CACNA1D: variants seen among roughly 807,000 people sequenced by gnomAD.
CACNA1D encodes voltage-dependent L-type calcium channel subunit alpha-1D.
A neutral mutation model predicts 257.1 loss-of-function variants in CACNA1D; 55 were observed. That is an observed-to-expected ratio of 0.21 (90% CI 0.17 to 0.27). The LOEUF is 0.27. Ranked by LOEUF, CACNA1D falls within the 10% of genes least tolerant of loss-of-function variation. The pLI is 1.00. For synonymous variants in CACNA1D, 980 were observed against 1,014.9 expected, an observed-to-expected ratio of 0.97 and a Z score of 0.65; for missense variants, 1,876 against 2,784.0, an observed-to-expected ratio of 0.67 and a Z score of 7.34.
intron 3 of CACNA1D, among the ~76,000 whole-genome samples, chr3:53,620,281 G>T (rs1000290852): frequency 6.6e-6 from 1 of 151,984 alleles, no homozygotes; most frequent in Non-Finnish European, 1.5e-5. Context: ...CCCAGTTCTC[G>T]TCCATCTCTC....
At chr3:53,766,845 C>G (rs2095335091) in intron 30 of CACNA1D, among the ~76,000 whole-genome samples, 1 of 152,190 alleles carries the variant, frequency 6.6e-6, no homozygotes, top group Non-Finnish European at 1.5e-5. Flanking sequence ...TGGAATTCCG[C>G]TTATTGAAAA....
chr3:53,565,298 A>C (rs1309682558), intron 3 of CACNA1D, among the ~76,000 whole-genome samples: 1 of 152,142 alleles, frequency 6.6e-6, no homozygotes, highest in African/African-American at 2.4e-5. Context: ...CTACTCTTTA[A>C]AAGCAAGATT....
At chr3:53,761,325 C>A (rs2095300484) in intron 29 of CACNA1D, among the ~76,000 whole-genome samples, 1 of 152,194 alleles carries the variant, frequency 6.6e-6, no homozygotes, top group African/African-American at 2.4e-5. Flanking sequence ...GCCTTGACTT[C>A]CCCACACTAA....
intron 3 of CACNA1D, among the ~76,000 whole-genome samples, chr3:53,539,591 T>G (rs1470746332): frequency 6.6e-6 from 1 of 152,238 alleles, no homozygotes; most frequent in Non-Finnish European, 1.5e-5. Flanking sequence ...TGTATCTGTC[T>G]CTGGTTGCAC....
At position 53,501,696 on chromosome 3, in the gene CACNA1D, T is replaced by C. The variant is rs6805302; in HGVS notation, c.459T>C (p.Asp153=). 82 of 1,592,722 alleles carry C rather than the reference T, an allele frequency of 5.1e-5. No homozygotes were observed. In the African/African-American group the frequency reaches 9.2e-4, roughly 18 times the overall value. Residue 153 remains aspartate, a synonymous_variant, in exon 3 of 48, where the codon GAT becomes GAC. Coordinates refer to ENST00000350061, the MANE Select transcript of CACNA1D (RefSeq NM_001128840.3). ...TTTACATCCCATTCCCTGAAGATGA[T>C]TCTAATTCAACAAATCATAACTTGG... ...LAIYIPFPED[D]SNSTNHNLEK... is the part of the protein sequence containing the mutation.
At chr3:53,516,457 C>G (rs1458227092) in intron 3 of CACNA1D, among the ~76,000 whole-genome samples, 1 of 152,230 alleles carries the variant, frequency 6.6e-6, no homozygotes, top group Non-Finnish European at 1.5e-5. Context: ...GGGCTAGTTT[C>G]TACTCATAGC....
Position 53,800,521 on chromosome 3 carries a change from AC to A in CACNA1D, c.5040+159del. 1.4e-6 allele frequency: 1 copy of A among 727,182 alleles called. No individual in the cohort carries two copies. Among genetic ancestry groups the A allele is most frequent in the East Asian group, 2.5e-5 (1 of 39,230 alleles). The allele number at this position is 727,182 out of a possible 1,614,324, so 45.0% of individuals were successfully genotyped here. A position where few individuals can be genotyped will look rare whatever the true frequency, so the allele number is the denominator to read the frequency against. Reference sequence around the variant, plus strand: ...AGACCACACCCTCCCCCTCTTACAGACCCTCCCCAGGCATCAGCACCTCTTC... The same window carrying A: ...AGACCACACCCTCCCCCTCTTACAGACCTCCCCAGGCATCAGCACCTCTTC... On this transcript the variant is annotated intron_variant, in intron 41 of 47. Transcript: ENST00000350061. This position sits in a 1 kb window ranked among gnomAD's most constrained non-coding sequence, Gnocchi z 4.3.
At chr3:53,639,497 C>G (rs189894139) in intron 3 of CACNA1D, among the ~76,000 whole-genome samples, 2 of 152,052 alleles carry the variant, frequency 1.3e-5, no homozygotes, top group Non-Finnish European at 2.9e-5. Context: ...AGTGATTCTC[C>G]TGTGTCAGCC....
At chr3:53,521,921 T>C (rs904574692) in intron 3 of CACNA1D, among the ~76,000 whole-genome samples, 1 of 148,758 alleles carries the variant, frequency 6.7e-6, no homozygotes, top group African/African-American at 2.5e-5. Flanking sequence ...GGCCATGAGT[T>C]GGAGAACAGC....
intron 9 of CACNA1D, among the ~76,000 whole-genome samples, chr3:53,706,671 A>G (rs958341132): frequency 1.3e-5 from 2 of 152,134 alleles, no homozygotes; most frequent in Non-Finnish European, 2.9e-5. Context: ...TGTGACATGG[A>G]CATATTACAT....
intron 40 of CACNA1D, chr3:53,797,802 G>A (rs934033143): frequency 2.0e-5 from 3 of 152,214 alleles, no homozygotes; most frequent in Admixed American, 6.5e-5. Flanking sequence ...AGTCCAATCA[G>A]TTGAATGACA....
At chr3:53,685,816 T>C (rs1306026684) in intron 8 of CACNA1D, among the ~76,000 whole-genome samples, 1 of 152,094 alleles carries the variant, frequency 6.6e-6, no homozygotes, top group Non-Finnish European at 1.5e-5. Context: ...TATAGCTATA[T>C]CAGTAAGGAA....
At chr3:53,638,523 C>G (rs957524654) in intron 3 of CACNA1D, among the ~76,000 whole-genome samples, 6 of 152,198 alleles carry the variant, frequency 3.9e-5, no homozygotes, top group African/African-American at 1.4e-4. Flanking sequence ...AGCCAATGTT[C>G]CATGAGAACT....
chr3:53,739,768 G>A (rs1356444079), intron 20 of CACNA1D, among the ~76,000 whole-genome samples: 2 of 152,182 alleles, frequency 1.3e-5, no homozygotes, highest in African/African-American at 4.8e-5. Context: ...CTGACGCCCT[G>A]ATTACACAGG....
chr3:53,702,885 C>T (rs1011682782), intron 9 of CACNA1D, 75 bp downstream of exon 9: 42 of 1,513,260 alleles, frequency 2.8e-5, no homozygotes, highest in Non-Finnish European at 3.2e-5. Flanking sequence ...AGGCCTTCCT[C>T]GACTCTGACC....
At chr3:53,740,146 A>G in intron 20 of CACNA1D, 134 bp from the exon 21 acceptor site, 1 of 773,392 alleles carries the variant, frequency 1.3e-6, no homozygotes, top group Non-Finnish European at 2.4e-6. Context: ...GTGGCTCTGC[A>G]CTTACCTTCA....
At chr3:53,750,211 C>T (rs1264580471) in intron 27 of CACNA1D, among the ~76,000 whole-genome samples, 1 of 152,140 alleles carries the variant, frequency 6.6e-6, no homozygotes, top group African/African-American at 2.4e-5. Context: ...GAGAGGGAGC[C>T]CTGTGCTCTG....
intron 8 of CACNA1D, among the ~76,000 whole-genome samples, chr3:53,691,900 CATATATTATATATAATATATATTAT>C (rs1559523341): frequency 6.3e-5 from 2 of 31,762 alleles, no homozygotes; most frequent in Non-Finnish European, 1.2e-4. Context: ...ATATATATTA[CATATATTATATATAATATATATTAT>C]ATATATTATA....
chr3:53,624,778 C>T (rs2093737877), intron 3 of CACNA1D, among the ~76,000 whole-genome samples: 1 of 152,146 alleles, frequency 6.6e-6, no homozygotes, highest in Admixed American at 6.6e-5. Flanking sequence ...CTGAGTTCCC[C>T]CAAGTATTAG....
Sources: allele counts gnomAD v4.1 joint callset (sites outside exome capture counted in the v4.1 genomes callset), GRCh38; gene constraint gnomAD v4.1.1; non-coding constraint Gnocchi (gnomAD v3.1); transcripts MANE v1.5; gene names NCBI Gene and HGNC (gene_info 2026-07-23, HGNC 2026-07-21).